Variants in SLC15A2 observed in about 807,000 individuals in gnomAD.
SLC15A2 encodes kidney H(+)/peptide cotransporter.
SLC15A2 carries 77 observed loss-of-function variants against 95.5 expected under a neutral mutation model. That is an observed-to-expected ratio of 0.81 (90% CI 0.67 to 0.97). SLC15A2 has a LOEUF of 0.97. SLC15A2 is among the 50% of genes least tolerant of loss of function. SLC15A2 has a pLI of 0.00. For synonymous variants in SLC15A2, 306 were observed against 306.9 expected (o/e 1.00, Z 0.03); for missense variants, 893 against 874.4 (o/e 1.02, Z -0.27).
chr3:121,916,731 T>C (rs1709901307), intron 7 of SLC15A2, among the ~76,000 whole-genome samples: 1 of 152,210 alleles, frequency 6.6e-6, no homozygotes, highest in Non-Finnish European at 1.5e-5. Context: ...AAACAAGTGC[T>C]AGCTGTCATT....
chr3:121,921,126 G>T (rs577279931), intron 7 of SLC15A2, among the ~76,000 whole-genome samples: 2 of 152,328 alleles, frequency 1.3e-5, no homozygotes, highest in South Asian at 4.1e-4. Context: ...AGAGATATGG[G>T]CTGAAAGAAA....
At chr3:121,930,333 T>A (rs1576688810) in intron 17 of SLC15A2, among the ~76,000 whole-genome samples, 1 of 152,314 alleles carries the variant, frequency 6.6e-6, no homozygotes, top group East Asian at 1.9e-4. Context: ...AAAACAATTA[T>A]AATAACCTAC....
chr3:121,938,997 T>G (rs1428127763), intron 19 of SLC15A2, among the ~76,000 whole-genome samples: 3 of 152,354 alleles, frequency 2.0e-5, no homozygotes, highest in Admixed American at 2.0e-4. Context: ...AAGGGAATTA[T>G]CTGAAAATTT....
chr3:121,923,020 A>G lies in SLC15A2; in HGVS notation c.868-20A>G, dbSNP rs930489050. 6.2e-7 allele frequency: 1 copy of G among 1,611,744 alleles called. No individual in the cohort carries two copies. The highest frequency in any genetic ancestry group is 8.5e-7 in the Non-Finnish European group (1 of 1,178,318). ...TACAGAACTTCTAGCATTTCTGCCC[A>G]TTCTTCCTCCTTTTCGCAGAAGCAG... On this transcript the variant is annotated intron_variant, in intron 9 of 21. Transcript: ENST00000489711.
At chr3:121,897,313 A>AT (rs376735450) in intron 2 of SLC15A2, 75 bp from the exon 3 acceptor site, 5 of 1,549,736 alleles carry the variant, frequency 3.2e-6, no homozygotes, top group African/African-American at 2.8e-5. Context: ...GAGATTAAAT[A>AT]TTTTTTTCCA....
chr3:121,917,200 T>G (rs2332046), intron 7 of SLC15A2, among the ~76,000 whole-genome samples: 2 of 151,996 alleles, frequency 1.3e-5, no homozygotes, highest in Admixed American at 6.5e-5. Context: ...GTGCTAGGTA[T>G]TGGGATCACA....
intron 7 of SLC15A2, 44 bp from the exon 8 acceptor site, chr3:121,922,176 T>A (rs1361528826): frequency 3.9e-6 from 6 of 1,534,290 alleles, no homozygotes; most frequent in Admixed American, 1.7e-5. Flanking sequence ...TGCACCAACC[T>A]AATAAATGAG....
At chr3:121,933,499 T>G (rs1224388051) in intron 19 of SLC15A2, among the ~76,000 whole-genome samples, 2 of 152,090 alleles carry the variant, frequency 1.3e-5, no homozygotes, top group Non-Finnish European at 2.9e-5. Context: ...GATTTGCATT[T>G]CTCTGATGGC....
chr3:121,904,446 C>T (rs1305351495), intron 3 of SLC15A2, among the ~76,000 whole-genome samples: 1 of 152,180 alleles, frequency 6.6e-6, no homozygotes, highest in Non-Finnish European at 1.5e-5. Flanking sequence ...AAAGGGAATG[C>T]TTCCAGTTCT....
intron 7 of SLC15A2, among the ~76,000 whole-genome samples, chr3:121,918,576 G>A (rs1236013340): frequency 6.6e-6 from 1 of 151,948 alleles, no homozygotes; most frequent in East Asian, 1.9e-4. Flanking sequence ...AAAAAAAAGT[G>A]GGGTGGGGGG....
chr3:121,939,751 CA>C (rs1710422832), intron 20 of SLC15A2, among the ~76,000 whole-genome samples: 1 of 152,026 alleles, frequency 6.6e-6, no homozygotes, highest in African/African-American at 2.4e-5. Flanking sequence ...TTCCCGTGTT[CA>C]AATTTTGGCT....
At chr3:121,896,597 C>A in intron 2 of SLC15A2, 104 bp downstream of exon 2, 1 of 898,020 alleles carries the variant, frequency 1.1e-6, no homozygotes, top group Non-Finnish European at 1.8e-6. Flanking sequence ...CGAGTCCACT[C>A]TTTCTGCCTT....
At position 121,915,627 on chromosome 3, in the gene SLC15A2, T is replaced by C; in HGVS notation, c.631T>C (p.Cys211Arg). 6.2e-7 allele frequency: 1 copy of C among 1,613,444 alleles called. No homozygotes were observed. The change falls in exon 7 of 22, where the codon TGT (cysteine) becomes CGT (arginine). Residue 211 changes from cysteine to arginine, a missense_variant. Transcript: ENST00000489711. Reference sequence around the variant, plus strand: ...CCCATTTTCTTTAGGAGATGTGCAATGTTTTGGAGAAGACTGCTATGCATT... The same window carrying C: ...CCCATTTTCTTTAGGAGATGTGCAACGTTTTGGAGAAGACTGCTATGCATT... The part of the protein sequence containing the change: ...ITPMLRGDVQ[C>R]FGEDCYALAF...
chr3:121,930,209 A>C (rs1461153329), intron 17 of SLC15A2, among the ~76,000 whole-genome samples: 1 of 152,194 alleles, frequency 6.6e-6, no homozygotes, highest in Non-Finnish European at 1.5e-5. Flanking sequence ...AGACCAAATC[A>C]AAAGCTATCA....
intron 3 of SLC15A2, among the ~76,000 whole-genome samples, chr3:121,908,409 A>G (rs72623396): frequency 2.0e-3 from 307 of 152,268 alleles, no homozygotes; most frequent in Middle Eastern, 6.8e-3. Context: ...ACCAGTCCCA[A>G]TGAAATGAGC....
chr3:121,914,928 A>C (rs928434116), intron 5 of SLC15A2: 2 of 938,666 alleles, frequency 2.1e-6, no homozygotes, highest in Admixed American at 3.9e-5. Context: ...CAAAGACATT[A>C]ATATTAGAAT....
intron 3 of SLC15A2, among the ~76,000 whole-genome samples, chr3:121,904,042 G>A (rs1238591871): frequency 1.3e-5 from 2 of 152,132 alleles, no homozygotes; most frequent in Non-Finnish European, 2.9e-5. Flanking sequence ...ATGGTTTGTA[G>A]TTCTCCTTGA....
At chr3:121,938,655 G>T (rs920943023) in intron 19 of SLC15A2, among the ~76,000 whole-genome samples, 2 of 152,128 alleles carry the variant, frequency 1.3e-5, no homozygotes, top group African/African-American at 4.8e-5. Flanking sequence ...ACTGACCTGC[G>T]CCCACTGTCT....
Position 121,939,370 on chromosome 3 carries a change from G to T in SLC15A2, c.1783G>T (p.Ala595Ser), listed in dbSNP as rs750461694. The stretch of plus-strand genomic sequence containing the variant: ...TAAGAACACCAATCAGGGTCTTCAG[G>T]CCTGGAAGATTGAAGACATTCCAGC... ...ITNNTNQGLQ[A>S]WKIEDIPANK... The change falls in exon 20 of 22, where the codon GCC (alanine) becomes TCC (serine). Residue 595 changes from alanine to serine, a missense_variant. Coordinates refer to ENST00000489711, the MANE Select transcript of SLC15A2 (RefSeq NM_021082.4). 6.4e-7 allele frequency: 1 copy of T among 1,559,542 alleles called. No individual in the cohort carries two copies. Among genetic ancestry groups the T allele is most frequent in the South Asian group, 1.2e-5 (1 of 81,952 alleles).
Sources: allele counts gnomAD v4.1 joint callset (sites outside exome capture counted in the v4.1 genomes callset), GRCh38; gene constraint gnomAD v4.1.1; transcripts MANE v1.5; gene names NCBI Gene and HGNC (gene_info 2026-07-23, HGNC 2026-07-21).